Variants in SCRN3 observed in about 807,000 individuals in gnomAD.
SCRN3 encodes secernin 3, also known as secernin-3.
Under a neutral mutation model 43.1 loss-of-function variants are expected in SCRN3, and 39 were observed. The observed-to-expected ratio is 0.91, with a 90% CI of 0.70 to 1.18. The LOEUF (loss-of-function observed/expected upper bound fraction) is 1.18. Ranked by LOEUF, SCRN3 falls within the 50% of genes most tolerant of loss-of-function variation. SCRN3 has a pLI of 0.00. For synonymous variants in SCRN3, 147 were observed against 163.1 expected (o/e 0.90, Z 0.75); for missense variants, 484 against 498.0 (o/e 0.97, Z 0.27).
intron 4 of SCRN3, among the ~76,000 whole-genome samples, chr2:174,403,008 G>C (rs1685558263): frequency 6.6e-6 from 1 of 150,448 alleles, no homozygotes; most frequent in South Asian, 2.1e-4. Flanking sequence ...TTTGGTTCTA[G>C]ACTTATTTAT....
At chr2:174,398,741 A>C (rs1193202707) in intron 2 of SCRN3, among the ~76,000 whole-genome samples, 1 of 152,234 alleles carries the variant, frequency 6.6e-6, no homozygotes, top group Non-Finnish European at 1.5e-5. Flanking sequence ...AGGAGCTTAG[A>C]GTCTAGTATA....
chr2:174,428,191 A>G lies in SCRN3; in HGVS notation c.*296A>G, dbSNP rs1328724882. 5.5e-6 allele frequency: 1 copy of G among 180,416 alleles called. No homozygotes were observed. The highest frequency in any genetic ancestry group is 1.2e-5 in the Non-Finnish European group (1 of 86,350). 11.2% of individuals were successfully genotyped at this position (180,416 alleles called of 1,614,324 possible). A position where few individuals can be genotyped will look rare whatever the true frequency, so the allele number is the denominator to read the frequency against. Reference sequence around the variant, plus strand: ...TTTTGTCACAATAACTAAGTATTCAATTATATATAAAGAGTGAAACATTAA... The same window carrying G: ...TTTTGTCACAATAACTAAGTATTCAGTTATATATAAAGAGTGAAACATTAA... On this transcript the variant is annotated 3_prime_UTR_variant, in exon 8 of 8. Coordinates refer to ENST00000272732, the MANE Select transcript of SCRN3 (RefSeq NM_024583.5).
intron 5 of SCRN3, 85 bp downstream of exon 5, chr2:174,404,400 G>A: frequency 2.4e-6 from 2 of 836,242 alleles, no homozygotes; most frequent in Non-Finnish European, 3.6e-6. Context: ...CTGTTTTGGG[G>A]AATTATAATT....
chr2:174,397,950 G>A (rs3201439), intron 1 of SCRN3, among the ~76,000 whole-genome samples: 31,101 of 152,006 alleles, frequency 0.2, 3,546 homozygotes, highest in Middle Eastern at 0.37. Context: ...TTTTTAGGCT[G>A]TAGTATACAA....
intron 5 of SCRN3, among the ~76,000 whole-genome samples, chr2:174,409,730 A>G (rs1302134119): frequency 7.0e-6 from 1 of 143,602 alleles, no homozygotes; most frequent in East Asian, 2.0e-4. Flanking sequence ...GTGAGGTGTC[A>G]GTGTGCCCCT....
chr2:174,403,085 T>TAAA (rs35095233), intron 4 of SCRN3, among the ~76,000 whole-genome samples: 2 of 103,074 alleles, frequency 1.9e-5, no homozygotes, highest in African/African-American at 6.3e-5. Context: ...AACTCAGTAG[T>TAAA]AAAAAAAAAA....
At chr2:174,419,487 C>T (rs1237984605) in intron 5 of SCRN3, among the ~76,000 whole-genome samples, 10 of 152,190 alleles carry the variant, frequency 6.6e-5, no homozygotes, top group Admixed American at 6.5e-4. Flanking sequence ...TTAAACAATC[C>T]TCCTGCCTCA....
chr2:174,414,874 C>G (rs1267612341), intron 5 of SCRN3, among the ~76,000 whole-genome samples: 1 of 151,756 alleles, frequency 6.6e-6, no homozygotes, highest in African/African-American at 2.4e-5. Context: ...AGCGATTCTC[C>G]TGCCTCAGCC....
At chr2:174,399,520 G>C (rs1043737514) in intron 2 of SCRN3, among the ~76,000 whole-genome samples, 1 of 152,198 alleles carries the variant, frequency 6.6e-6, no homozygotes. Context: ...AATGTTTCAA[G>C]ATATTACAGC....
At chr2:174,414,274 T>C (rs936845277) in intron 5 of SCRN3, among the ~76,000 whole-genome samples, 1 of 152,208 alleles carries the variant, frequency 6.6e-6, no homozygotes, top group African/African-American at 2.4e-5. Flanking sequence ...ATTCACATGA[T>C]TCAAAATTCT....
At chr2:174,415,004 A>T (rs1404627236) in intron 5 of SCRN3, among the ~76,000 whole-genome samples, 3 of 152,012 alleles carry the variant, frequency 2.0e-5, no homozygotes, top group Non-Finnish European at 4.4e-5. Context: ...ACCTCAAATG[A>T]GCCGCCCACC....
chr2:174,416,615 T>C (rs936431944), intron 5 of SCRN3, among the ~76,000 whole-genome samples: 1 of 152,136 alleles, frequency 6.6e-6, no homozygotes, highest in African/African-American at 2.4e-5. Context: ...GGGTGGAGCA[T>C]AGGGTAGGAG....
chr2:174,405,561 G>A (rs1685664926), intron 5 of SCRN3, among the ~76,000 whole-genome samples: 1 of 137,710 alleles, frequency 7.3e-6, no homozygotes, highest in African/African-American at 2.5e-5. Context: ...GTAATGCCTA[G>A]GTTTTCTTCT....
At chr2:174,397,232 T>C in intron 1 of SCRN3, 1 of 971,792 alleles carries the variant, frequency 1.0e-6, no homozygotes, top group Non-Finnish European at 1.2e-6. Flanking sequence ...ATTTAAATTT[T>C]GTTTTTAAGT....
chr2:174,395,926 C>G, intron 1 of SCRN3, 109 bp downstream of exon 1: 1 of 1,408,694 alleles, frequency 7.1e-7, no homozygotes, highest in South Asian at 1.6e-5. Context: ...CCAGCTGCAC[C>G]GGCTGCGGTT....
chr2:174,406,954 C>T (rs1685718795), intron 5 of SCRN3, among the ~76,000 whole-genome samples: 1 of 92,950 alleles, frequency 1.1e-5, no homozygotes, highest in African/African-American at 3.7e-5. Context: ...GCTTTGGTAT[C>T]AGAATGATGC....
At position 174,400,215 on chromosome 2, in the gene SCRN3, T is replaced by C. The variant is rs1434208875; in HGVS notation, c.341+112T>C. 1.3e-5 allele frequency: 10 copies of C among 769,426 alleles called. No individual in the cohort carries two copies. The East Asian group carries it at 3.1e-4, about 24-fold the overall frequency. The allele number at this position is 769,426 out of a possible 1,614,324, so 47.7% of individuals were successfully genotyped here. ...TGAGGGGGCTTTGATACTTTGCAGT[T>C]TGTGTCAAAATGGTTTAAAGTACCG... On this transcript the variant is annotated intron_variant, in intron 3 of 7. Coordinates refer to ENST00000272732, the MANE Select transcript of SCRN3 (RefSeq NM_024583.5).
intron 5 of SCRN3, among the ~76,000 whole-genome samples, chr2:174,416,047 A>G (rs761277435): frequency 1.3e-5 from 2 of 152,164 alleles, no homozygotes; most frequent in Non-Finnish European, 2.9e-5. Flanking sequence ...TATGGTAGTT[A>G]TTATGAGGGT....
chr2:174,421,050 GAC>G (rs1686276977), intron 5 of SCRN3, among the ~76,000 whole-genome samples: 1 of 151,980 alleles, frequency 6.6e-6, no homozygotes, highest in South Asian at 2.1e-4. Flanking sequence ...GGGGAAAAAA[GAC>G]AGAAAAATCT....
Sources: allele counts gnomAD v4.1 joint callset (sites outside exome capture counted in the v4.1 genomes callset), GRCh38; gene constraint gnomAD v4.1.1; transcripts MANE v1.5; gene names NCBI Gene and HGNC (gene_info 2026-07-23, HGNC 2026-07-21).